Variants in GTPBP1 observed in about 807,000 individuals in gnomAD.
GTPBP1 encodes the protein GTP-binding protein 1.
Under a neutral mutation model 62.0 loss-of-function variants are expected in GTPBP1, and 23 were observed. The observed-to-expected ratio is 0.37, with a 90% CI of 0.27 to 0.53. GTPBP1 has a LOEUF of 0.53. GTPBP1 is among the 20% of genes least tolerant of loss of function. The probability of loss-of-function intolerance (pLI) is 0.89; values close to 1 mark genes in which losing one functional copy is unlikely to be tolerated. For missense variants in GTPBP1, 640 were observed against 917.3 expected, an observed-to-expected ratio of 0.70 and a Z score of 3.90; for synonymous variants, 344 against 364.4, an observed-to-expected ratio of 0.94 and a Z score of 0.64.
At chr22:38,722,964 A>C in intron 5 of GTPBP1, 2 of 891,496 alleles carry the variant, frequency 2.2e-6, no homozygotes, top group Non-Finnish European at 1.9e-6. Flanking sequence ...GAGACCTCTT[A>C]GTGCAAGACC....
rs2145856037 is a variant in GTPBP1 at position 38,716,853 on chromosome 22, C to T, written c.687C>T (p.Asp229=). ...DSEGNVVNKP[D]SHGGSLEWTK... ...AAGGCAATGTAGTGAACAAGCCTGA[C>T]AGCCACGGCGGCAGCCTGGAGTGGA... Residue 229 remains aspartate, a synonymous_variant, in exon 4 of 12, where the codon GAC becomes GAT. Transcript: ENST00000216044. This position sits in a 1 kb window ranked among gnomAD's most constrained non-coding sequence, Gnocchi z 5.2. The T allele has an allele frequency of 6.2e-7, 1 of 1,614,188 alleles. No homozygotes were observed. The highest frequency in any genetic ancestry group is 8.5e-7 in the Non-Finnish European group (1 of 1,179,974).
chr22:38,728,273 C>T (rs1402326086), intron 10 of GTPBP1, 112 bp downstream of exon 10: 3 of 761,036 alleles, frequency 3.9e-6, no homozygotes, highest in Non-Finnish European at 6.6e-6. Flanking sequence ...GAGCTGGACC[C>T]ACTGAGGTGT....
intron 5 of GTPBP1, chr22:38,722,599 C>G (rs1268562723): frequency 7.2e-6 from 8 of 1,117,912 alleles, no homozygotes; most frequent in Non-Finnish European, 9.9e-6. Flanking sequence ...TTTAAAAGGC[C>G]TTAGCCATTT....
At chr22:38,738,724 A>G, downstream of GTPBP1, 1 of 1,613,618 alleles carries the variant, frequency 6.2e-7, no homozygotes, top group East Asian at 2.2e-5. This position sits in a 1 kb window ranked among gnomAD's most constrained non-coding sequence, Gnocchi z 6.6. Flanking sequence ...GGCCCCTGGA[A>G]GGCCCAGCAG....
At chr22:38,712,855 C>G (rs2092647819) in intron 2 of GTPBP1, among the ~76,000 whole-genome samples, 1 of 152,212 alleles carries the variant, frequency 6.6e-6, no homozygotes, top group Non-Finnish European at 1.5e-5. Context: ...TCACAGCTCA[C>G]TTTGCCGTGC....
At chr22:38,719,363 G>A (rs886497143) in intron 4 of GTPBP1, among the ~76,000 whole-genome samples, 3 of 151,962 alleles carry the variant, frequency 2.0e-5, no homozygotes, top group Non-Finnish European at 2.9e-5. Flanking sequence ...GCTAGAGTGC[G>A]GTGGTGCGAC....
Position 38,726,204 on chromosome 22 carries a change from G to A in GTPBP1, c.1218+54G>A, listed in dbSNP as rs1458046880. ...GGGCACTTCCTACAGTGGCATCAGG[G>A]GGTGGGTCTGTGCTGGGGATGCACT... is the stretch of plus-strand genomic sequence containing the variant. On this transcript the variant is annotated intron_variant, in intron 7 of 11. Coordinates refer to ENST00000216044, the MANE Select transcript of GTPBP1 (RefSeq NM_004286.5). The surrounding 1 kb of genome is among the most constrained non-coding windows in gnomAD (Gnocchi z 4.1). The A allele has an allele frequency of 3.1e-6, 5 of 1,609,702 alleles. No homozygotes were observed. Among genetic ancestry groups the A allele is most frequent in the Non-Finnish European group, 8.5e-7 (1 of 1,176,500 alleles).
At chr22:38,708,358 A>G (rs1301810711) in intron 1 of GTPBP1, among the ~76,000 whole-genome samples, 2 of 152,208 alleles carry the variant, frequency 1.3e-5, no homozygotes, top group Non-Finnish European at 2.9e-5. Context: ...TTCATTCCCA[A>G]ATATTCAATA....
chr22:38,742,573 G>A (rs778008876), downstream of GTPBP1: 5 of 1,596,356 alleles, frequency 3.1e-6, no homozygotes, highest in Non-Finnish European at 4.3e-6. Flanking sequence ...GGCAGAGAGA[G>A]AGCCACGGAG....
At chr22:38,722,760 A>T in intron 5 of GTPBP1, 1 of 1,603,458 alleles carries the variant, frequency 6.2e-7, no homozygotes, top group Non-Finnish European at 8.5e-7. Context: ...TACCTTCTGA[A>T]AGTACTCTTT....
rs1191031772 is a variant in GTPBP1 at position 38,716,971 on chromosome 22, G to A, written c.805G>A (p.Gly269Ser). 9 of 1,612,048 alleles carry A rather than the reference G, an allele frequency of 5.6e-6. No individual in the cohort carries two copies. Among genetic ancestry groups the A allele is most frequent in the Non-Finnish European group, 7.6e-6 (9 of 1,178,350 alleles). Residue 269 changes from glycine to serine, a missense_variant, in exon 4 of 12, where the codon GGC becomes AGC. Physicochemically the swap from Gly to Ser is moderately conservative, Grantham distance 56. Coordinates refer to ENST00000216044, the MANE Select transcript of GTPBP1 (RefSeq NM_004286.5). This position sits in a 1 kb window ranked among gnomAD's most constrained non-coding sequence, Gnocchi z 5.2. ...YLKTTVFGMT[G>S]HLPDFCMLMV... ...GAAAACCACTGTCTTCGGCATGACA[G>A]GCCATCTGCCTGACTTCTGCATGCT...
Position 38,710,391 on chromosome 22 carries a change from TAAA to T in GTPBP1, c.304+1436_304+1438del, listed in dbSNP as rs967287777. 2.0e-5 allele frequency among the ~76,000 whole-genome samples: 3 copies of T among 152,176 alleles called. 1 individual carries two copies. Among genetic ancestry groups the T allele is most frequent in the Non-Finnish European group, 4.4e-5 (3 of 68,040 alleles). The stretch of plus-strand genomic sequence containing the variant: ...ATTTGGAAATGTTGTAAGAGTGACA[TAAA>T]GAAGAAGGATTTGCTCTCCAGATGC... On this transcript the variant is annotated intron_variant, in intron 2 of 11. Transcript: ENST00000216044.
Position 38,729,619 on chromosome 22 carries a change from T to C in GTPBP1, c.1874T>C (p.Val625Ala). The C allele has an allele frequency of 6.5e-7, 1 of 1,540,920 alleles. No homozygotes were observed. The change falls in exon 11 of 12, where the codon GTA becomes GCA. Residue 625 changes from valine to alanine, a missense_variant. Coordinates refer to ENST00000216044, the MANE Select transcript of GTPBP1 (RefSeq NM_004286.5). ...APPPGDEASS[V>A]GAGQPAASSN... ...CCACCTGGAGATGAAGCCTCCTCTG[T>C]AGGGGCAGGGCAACCAGCTGCGTCC... is the stretch of plus-strand genomic sequence containing the variant.
In GTPBP1 at chr22:38,705,982, G is replaced by T. The variant is rs775478048; in HGVS notation, c.27G>T (p.Ala9=). 6.9e-7 allele frequency: 1 copy of T among 1,451,452 alleles called. No individual in the cohort carries two copies. Among genetic ancestry groups the T allele is most frequent in the Non-Finnish European group, 9.1e-7 (1 of 1,100,244 alleles). 89.9% of individuals were successfully genotyped at this position (1,451,452 alleles called of 1,614,324 possible). The change falls in exon 1 of 12, where the codon GCG becomes GCT. Residue 9 remains alanine, a synonymous_variant. Coordinates refer to ENST00000216044, the MANE Select transcript of GTPBP1 (RefSeq NM_004286.5). MATERSRS[A]MDSPVPASMF... Reference sequence around the variant, plus strand: ...TGGCGACGGAGCGCAGTCGCTCCGCGATGGACTCGCCGGTCCCGGCCTCTA... The same window carrying T: ...TGGCGACGGAGCGCAGTCGCTCCGCTATGGACTCGCCGGTCCCGGCCTCTA...
downstream of GTPBP1, chr22:38,742,533 C>T (rs188815884): frequency 8.2e-5 from 133 of 1,612,470 alleles, 2 homozygotes; most frequent in East Asian, 2.6e-3. Flanking sequence ...AGAGTGTACC[C>T]GGGACATAAC....
At chr22:38,736,181 A>T, downstream of GTPBP1, 1 of 1,289,318 alleles carries the variant, frequency 7.8e-7, no homozygotes. Flanking sequence ...CCTAGAAGTC[A>T]GAGCGCCGAG....
intron 2 of GTPBP1, among the ~76,000 whole-genome samples, chr22:38,715,674 CTGT>C (rs1474176441): frequency 6.6e-6 from 1 of 152,150 alleles, no homozygotes; most frequent in African/African-American, 2.4e-5. Flanking sequence ...GCCTCGGTGG[CTGT>C]TGTTGAATGA....
At chr22:38,739,585 G>A (rs1372499388), downstream of GTPBP1, 5 of 1,303,562 alleles carry the variant, frequency 3.8e-6, no homozygotes, top group Non-Finnish European at 5.4e-6. This position sits in a 1 kb window ranked among gnomAD's most constrained non-coding sequence, Gnocchi z 6.7. Flanking sequence ...ACCCATGCCA[G>A]CCCCACAGCA....
At chr22:38,720,085 T>A (rs1040682760) in intron 4 of GTPBP1, among the ~76,000 whole-genome samples, 1 of 149,344 alleles carries the variant, frequency 6.7e-6, no homozygotes, top group Admixed American at 6.7e-5. Context: ...CCCGCCACGA[T>A]GCCCAGCTAA....
Sources: gnomAD v4.1 joint callset for allele counts (sites outside exome capture counted in the v4.1 genomes callset) on GRCh38, gnomAD v4.1.1 for gene constraint, Gnocchi (gnomAD v3.1) non-coding constraint, MANE v1.5 for transcripts, NCBI Gene and HGNC (gene_info 2026-07-23, HGNC 2026-07-21) for gene names.